PPP1R36: variants seen among roughly 807,000 people sequenced by gnomAD.
The protein encoded by PPP1R36 is protein phosphatase 1 regulatory subunit 36.
A neutral mutation model predicts 53.4 loss-of-function variants in PPP1R36; 47 were observed. The ratio of observed to expected loss-of-function variants is 0.88; its 90% CI spans 0.70 to 1.12. PPP1R36 has a LOEUF of 1.12. Among genes scored for constraint, PPP1R36 ranks in the 50% most tolerant of loss-of-function variants. The probability of loss-of-function intolerance (pLI) is 0.00; values close to 1 mark genes in which losing one functional copy is unlikely to be tolerated. For missense variants in PPP1R36, 456 were observed against 513.9 expected (o/e 0.89, Z 1.09); for synonymous variants, 153 against 170.5 (o/e 0.90, Z 0.80).
At chr14:64,563,289 C>T (rs2080220878) in intron 3 of PPP1R36, among the ~76,000 whole-genome samples, 1 of 152,066 alleles carries the variant, frequency 6.6e-6, no homozygotes, top group Non-Finnish European at 1.5e-5. Context: ...CTCCCATCAA[C>T]ATTTGGTATT....
intron 8 of PPP1R36, among the ~76,000 whole-genome samples, chr14:64,583,900 C>CT (rs912391508): frequency 0.011 from 1,375 of 120,072 alleles, 39 homozygotes; most frequent in African/African-American, 0.038. Flanking sequence ...GTTACCTCCT[C>CT]TTTTTTTTTT....
At chr14:64,575,205 C>G (rs572224295) in intron 8 of PPP1R36, among the ~76,000 whole-genome samples, 52 of 152,300 alleles carry the variant, frequency 3.4e-4, no homozygotes, top group African/African-American at 1.2e-3. Flanking sequence ...ATGGTCATAG[C>G]CAGAACAGTT....
rs763329457 is a variant in PPP1R36, at chr14:64,588,131, T to TA, written c.924dup (p.Ala309SerfsTer25). On this transcript the variant is annotated frameshift_variant, in exon 11 of 12. Coordinates refer to ENST00000298705, the MANE Select transcript of PPP1R36 (RefSeq NM_172365.3). LOFTEE classifies it high-confidence loss of function. Reference sequence around the variant, plus strand: ...GAATGATGGCAAAACGCCCAGCAATTAAAAAAGCTATCAACATGCGTTCTC... The same window carrying TA: ...GAATGATGGCAAAACGCCCAGCAATTAAAAAAAGCTATCAACATGCGTTCTC... 2 of 1,605,540 alleles carry TA rather than the reference T, an allele frequency of 1.2e-6. No homozygotes were observed. Among genetic ancestry groups the TA allele is most frequent in the South Asian group, 2.2e-5 (2 of 90,370 alleles).
chr14:64,565,594 C>T lies in PPP1R36; in HGVS notation c.368-32C>T, dbSNP rs761564820. The T allele has an allele frequency of 5.7e-6, 9 of 1,586,016 alleles. No individual in the cohort carries two copies. The Admixed American group carries it at 1.5e-4, about 26-fold the overall frequency. On this transcript the variant is annotated intron_variant, in intron 5 of 11. Transcript: ENST00000298705. ...GTGACTCTCTAAGGTAGCTCTTTGTCCCTCTCTCAATTGTTCATTTTCTCT... is the reference window on the plus strand; with the variant it reads ...GTGACTCTCTAAGGTAGCTCTTTGTTCCTCTCTCAATTGTTCATTTTCTCT...
chr14:64,554,042 G>C (rs979633048), intron 3 of PPP1R36, among the ~76,000 whole-genome samples: 1 of 151,748 alleles, frequency 6.6e-6, no homozygotes, highest in African/African-American at 2.4e-5. Context: ...GGTAGAGGAA[G>C]GCAGACCCTT....
Position 64,588,555 on chromosome 14 carries a change from A to ATTT in PPP1R36, c.1082+280_1082+282dup, listed in dbSNP as rs34440209. On this transcript the variant is annotated intron_variant, in intron 11 of 11. Coordinates refer to ENST00000298705, the MANE Select transcript of PPP1R36 (RefSeq NM_172365.3). The stretch of plus-strand genomic sequence containing the variant: ...TCTAGTTTGGAGGAGTGAGTAACTG[A>ATTT]TTTTTTTTTTTTTTTTTTTTTTGAG... 3.8e-3 allele frequency: 570 copies of ATTT among 149,560 alleles called. 4 individuals carry two copies. The highest frequency in any genetic ancestry group is 5.3e-3 in the East Asian group (34 of 6,358). 9.3% of individuals were successfully genotyped at this position (149,560 alleles called of 1,614,324 possible).
chr14:64,574,580 G>C lies in PPP1R36; in HGVS notation c.659G>C (p.Cys220Ser). 1 of 1,611,818 alleles carries C rather than the reference G, an allele frequency of 6.2e-7. No homozygotes were observed. The highest frequency in any genetic ancestry group is 8.5e-7 in the Non-Finnish European group (1 of 1,179,288). Residue 220 changes from cysteine (C) to serine (S), a missense_variant, in exon 8 of 12, where the codon TGC (cysteine) becomes TCC (serine). Coordinates refer to ENST00000298705, the MANE Select transcript of PPP1R36 (RefSeq NM_172365.3). ...GLAVPDKHHM[C>S]CGKEKISDTQ... ...GCCGTGCCGGATAAGCATCACATGT[G>C]CTGTGGAAAGTAAGCAGATACTTAC...
At chr14:64,587,435 T>A in intron 10 of PPP1R36, 63 bp downstream of exon 10, 1 of 835,684 alleles carries the variant, frequency 1.2e-6, no homozygotes, top group Non-Finnish European at 1.7e-6. Context: ...TTTCTTTTCT[T>A]TTCTTTTTTC....
At chr14:64,565,481 A>G (rs778975842) in intron 5 of PPP1R36, 27 bp downstream of exon 5, 4 of 1,530,124 alleles carry the variant, frequency 2.6e-6, no homozygotes, top group Non-Finnish European at 3.6e-6. Flanking sequence ...TTATGCATAC[A>G]TAAACATACA....
At chr14:64,553,686 T>C (rs1034109525) in intron 3 of PPP1R36, among the ~76,000 whole-genome samples, 4 of 152,016 alleles carry the variant, frequency 2.6e-5, no homozygotes, top group East Asian at 1.9e-4. Context: ...GGAGACAGTA[T>C]AAGGAAACCT....
At chr14:64,583,012 C>T (rs2080400827) in intron 8 of PPP1R36, among the ~76,000 whole-genome samples, 1 of 149,734 alleles carries the variant, frequency 6.7e-6, no homozygotes. Context: ...CCACCTGGCC[C>T]CATAAGTAGC....
At chr14:64,571,375 C>T (rs2080302107) in intron 7 of PPP1R36, among the ~76,000 whole-genome samples, 1 of 152,156 alleles carries the variant, frequency 6.6e-6, no homozygotes, top group Non-Finnish European at 1.5e-5. Flanking sequence ...GATCCACCCA[C>T]CTCAGCCTCC....
intron 7 of PPP1R36, among the ~76,000 whole-genome samples, chr14:64,571,841 A>C (rs962720789): frequency 2.0e-5 from 3 of 152,200 alleles, no homozygotes; most frequent in African/African-American, 4.8e-5. Context: ...CATGTCTTAC[A>C]TGGTGGCAGG....
intron 7 of PPP1R36, among the ~76,000 whole-genome samples, chr14:64,570,306 A>G (rs1339340328): frequency 6.6e-6 from 1 of 151,634 alleles, no homozygotes; most frequent in Non-Finnish European, 1.5e-5. Flanking sequence ...ACATGGTGAA[A>G]CCCCATCTCT....
intron 7 of PPP1R36, among the ~76,000 whole-genome samples, chr14:64,571,821 G>C (rs1384675325): frequency 6.6e-6 from 1 of 152,174 alleles, no homozygotes; most frequent in Admixed American, 6.5e-5. Flanking sequence ...AGGCGAATGA[G>C]GAGCAACAGC....
intron 7 of PPP1R36, 40 bp from the exon 8 acceptor site, chr14:64,574,415 C>G: frequency 6.3e-7 from 1 of 1,577,226 alleles, no homozygotes; most frequent in South Asian, 1.2e-5. Flanking sequence ...GCACTTATGA[C>G]AATTAACCCA....
intron 7 of PPP1R36, among the ~76,000 whole-genome samples, chr14:64,573,790 G>A (rs527970996): frequency 6.6e-6 from 1 of 151,148 alleles, no homozygotes; most frequent in East Asian, 2.0e-4. Context: ...GTAGGCACCT[G>A]TAATCCCAGT....
chr14:64,568,276 T>G (rs2080275950), intron 6 of PPP1R36, 73 bp from the exon 7 acceptor site: 1 of 588,226 alleles, frequency 1.7e-6, no homozygotes, highest in Admixed American at 3.2e-5. Context: ...GCTCATATAT[T>G]TTTTATGAGA....
chr14:64,581,367 TCTCCC>T (rs983357847), intron 8 of PPP1R36, among the ~76,000 whole-genome samples: 16 of 152,146 alleles, frequency 1.1e-4, no homozygotes, highest in African/African-American at 3.6e-4. Context: ...CAGTCCTCAG[TCTCCC>T]CTTATCTGAG....
Sources: allele counts gnomAD v4.1 joint callset (sites outside exome capture counted in the v4.1 genomes callset), GRCh38; gene constraint gnomAD v4.1.1; transcripts MANE v1.5; gene names NCBI Gene and HGNC (gene_info 2026-07-23, HGNC 2026-07-21).